SLC25A26: variants seen among roughly 807,000 people sequenced by gnomAD.
SLC25A26 encodes the protein mitochondrial S-adenosylmethionine carrier protein.
SLC25A26 carries 36 observed loss-of-function variants against 37.8 expected under a neutral mutation model. That is an observed-to-expected ratio of 0.95 (90% CI 0.73 to 1.26). The LOEUF is 1.26. SLC25A26 is among the 50% of genes most tolerant of loss of function. The pLI is 0.00. For synonymous variants in SLC25A26, 129 were observed against 122.5 expected (o/e 1.05, Z -0.35); for missense variants, 390 against 331.1 (o/e 1.18, Z -1.38).
At chr3:66,172,598 A>G (rs1487199810) in intron 1 of SLC25A26, among the ~76,000 whole-genome samples, 1 of 152,094 alleles carries the variant, frequency 6.6e-6, no homozygotes, top group Non-Finnish European at 1.5e-5. Flanking sequence ...GGCTGGTTTA[A>G]ACAACAGAAA....
chr3:66,292,104 A>G (rs1413307404), intron 5 of SLC25A26, among the ~76,000 whole-genome samples: 1 of 152,094 alleles, frequency 6.6e-6, no homozygotes, highest in East Asian at 1.9e-4. Flanking sequence ...CTGTTTCGTC[A>G]GAGACTAGGA....
At chr3:66,290,295 A>G (rs2074661174) in intron 5 of SLC25A26, among the ~76,000 whole-genome samples, 1 of 152,186 alleles carries the variant, frequency 6.6e-6, no homozygotes, top group South Asian at 2.1e-4. Flanking sequence ...TCCTATTTGA[A>G]TACCGTTTAT....
At chr3:66,149,415 C>T (rs1328929268) in intron 1 of SLC25A26, among the ~76,000 whole-genome samples, 1 of 152,090 alleles carries the variant, frequency 6.6e-6, no homozygotes, top group East Asian at 1.9e-4. Flanking sequence ...CTAGCAAAAC[C>T]CCAGACATCT....
intron 5 of SLC25A26, among the ~76,000 whole-genome samples, chr3:66,317,833 C>G (rs1454995694): frequency 6.6e-6 from 1 of 152,194 alleles, no homozygotes; most frequent in Admixed American, 6.5e-5. Flanking sequence ...CACAGGGAGG[C>G]ACTACCCAGT....
chr3:66,159,931 A>T (rs1475207896), intron 1 of SLC25A26, among the ~76,000 whole-genome samples: 1 of 152,188 alleles, frequency 6.6e-6, no homozygotes, highest in Non-Finnish European at 1.5e-5. Flanking sequence ...AAGTGATGAA[A>T]AAATGGGTCT....
rs1008066453 is a variant in SLC25A26, at chr3:66,195,588, G to C, written c.-353-25154G>C. On this transcript the variant is annotated intron_variant, in intron 1 of 10. Coordinates refer to the SLC25A26 transcript ENST00000676754. ...TTGCGCCGGGCAGGCCCTCGGGCTA[G>C]CGTCTGGCTGATGGGTGGTGCTGCC... is the stretch of plus-strand genomic sequence containing the variant. Among the ~76,000 whole-genome samples, 151 of 152,366 alleles carry C rather than the reference G, an allele frequency of 9.9e-4. 5 individuals carry two copies. The highest frequency in any genetic ancestry group is 3.3e-3 in the African/African-American group (138 of 41,596).
At chr3:66,275,419 TA>T (rs1407231173) in intron 5 of SLC25A26, among the ~76,000 whole-genome samples, 2 of 151,608 alleles carry the variant, frequency 1.3e-5, no homozygotes, top group African/African-American at 4.8e-5. Flanking sequence ...AAAAAAAAAT[TA>T]ATTACTGCTG....
chr3:66,307,830 G>C (rs1465529125), intron 5 of SLC25A26, among the ~76,000 whole-genome samples: 1 of 152,126 alleles, frequency 6.6e-6, no homozygotes, highest in East Asian at 1.9e-4. Context: ...TGTTATTTCT[G>C]AGGCCTCTGT....
chr3:66,207,004 A>G (rs1185290942), intron 1 of SLC25A26, among the ~76,000 whole-genome samples: 5 of 150,064 alleles, frequency 3.3e-5, no homozygotes, highest in Non-Finnish European at 7.4e-5. Flanking sequence ...GGCCTCCCAC[A>G]GTGCTGGCAT....
chr3:66,306,949 T>C (rs569997646), intron 5 of SLC25A26, among the ~76,000 whole-genome samples: 1 of 152,278 alleles, frequency 6.6e-6, no homozygotes, highest in Admixed American at 6.5e-5. Context: ...GTATTGTAAA[T>C]AGTGCTGCAG....
At chr3:66,270,431 A>G (rs562429750) in intron 5 of SLC25A26, among the ~76,000 whole-genome samples, 2 of 152,214 alleles carry the variant, frequency 1.3e-5, no homozygotes, top group Non-Finnish European at 2.9e-5. Flanking sequence ...ACCAAATAGA[A>G]CATCTGTTAA....
chr3:66,233,521 G>T (rs782708154), intron 1 of SLC25A26, among the ~76,000 whole-genome samples: 1 of 152,148 alleles, frequency 6.6e-6, no homozygotes, highest in Non-Finnish European at 1.5e-5. Flanking sequence ...AAGAATAAAA[G>T]AGTTTGATGG....
intron 3 of SLC25A26, among the ~76,000 whole-genome samples, chr3:66,246,632 A>G (rs889303891): frequency 6.6e-6 from 1 of 152,194 alleles, no homozygotes; most frequent in African/African-American, 2.4e-5. Flanking sequence ...ACAAGTATCC[A>G]TGAGACTGGA....
chr3:66,367,707 CAG>C (rs71616221), intron 7 of SLC25A26, among the ~76,000 whole-genome samples: 2,517 of 135,564 alleles, frequency 0.019, 38 homozygotes, highest in African/African-American at 0.056. Context: ...CAGACAGACA[CAG>C]AGAGAGAGAG....
intron 1 of SLC25A26, among the ~76,000 whole-genome samples, chr3:66,150,463 A>C (rs1286038503): frequency 6.9e-6 from 1 of 145,964 alleles, no homozygotes; most frequent in East Asian, 2.0e-4. Flanking sequence ...ACCCCAGTGC[A>C]CTCTAGCCTG....
At chr3:66,222,355 G>T (rs2071539525) in intron 1 of SLC25A26, among the ~76,000 whole-genome samples, 1 of 151,946 alleles carries the variant, frequency 6.6e-6, no homozygotes, top group Non-Finnish European at 1.5e-5. Flanking sequence ...TAATTTTTTG[G>T]GTTTTTAGTG....
At chr3:66,255,990 A>C (rs1356535096) in intron 3 of SLC25A26, among the ~76,000 whole-genome samples, 1 of 152,188 alleles carries the variant, frequency 6.6e-6, no homozygotes, top group Non-Finnish European at 1.5e-5. Flanking sequence ...AGAACTAAAA[A>C]CACAATAGTA....
At chr3:66,238,035 T>C (rs984062694) in intron 2 of SLC25A26, among the ~76,000 whole-genome samples, 1 of 152,216 alleles carries the variant, frequency 6.6e-6, no homozygotes, top group African/African-American at 2.4e-5. Context: ...CTTTCGATTT[T>C]TGTGTATGTT....
chr3:66,372,896 G>A lies in SLC25A26; in HGVS notation c.707+2294G>A, dbSNP rs187465820. ...ACTAAGTTTACTAGGTACTACTTGG[G>A]TTTTCCAGCAGACACCATCTCCTCA... is the stretch of plus-strand genomic sequence containing the variant. On this transcript the variant is annotated intron_variant, in intron 9 of 9. Transcript: ENST00000354883. Among the ~76,000 whole-genome samples the A allele has an allele frequency of 4.8e-3, 725 of 152,054 alleles. 17 individuals are homozygous for A. Among genetic ancestry groups the A allele is most frequent in the Admixed American group, 0.044 (674 of 15,280 alleles).
Sources: gnomAD v4.1 joint callset for allele counts (sites outside exome capture counted in the v4.1 genomes callset) on GRCh38, gnomAD v4.1.1 for gene constraint, MANE v1.5 for transcripts, NCBI Gene and HGNC (gene_info 2026-07-23, HGNC 2026-07-21) for gene names.